FAM20C: variants seen among roughly 807,000 people sequenced by gnomAD.
FAM20C encodes FAM20C golgi associated secretory pathway kinase, also known as extracellular serine/threonine protein kinase FAM20C.
Under a neutral mutation model 51.5 loss-of-function variants are expected in FAM20C, and 40 were observed. The observed-to-expected ratio is 0.78, with a 90% confidence interval of 0.60 to 1.01. FAM20C has a LOEUF of 1.01. Among genes scored for constraint, FAM20C ranks in the 50% least tolerant of loss-of-function variants. FAM20C has a pLI of 0.00. For synonymous variants in FAM20C, 406 were observed against 380.6 expected, an observed-to-expected ratio of 1.07 and a Z score of -0.78; for missense variants, 861 against 844.7, an observed-to-expected ratio of 1.02 and a Z score of -0.24.
chr7:193,941 C>G (rs1699167223), intron 1 of FAM20C, 137 bp downstream of exon 1: 6 of 1,292,010 alleles, frequency 4.6e-6, no homozygotes, highest in Non-Finnish European at 6.1e-6. Flanking sequence ...AGGAGGCAGC[C>G]GCCTACCTCA....
At chr7:212,078 C>T (rs1236420611) in intron 3 of FAM20C, among the ~76,000 whole-genome samples, 4 of 152,196 alleles carry the variant, frequency 2.6e-5, no homozygotes, top group African/African-American at 7.2e-5. Flanking sequence ...GGGGGATGAT[C>T]GTTTCTTCTT....
In FAM20C at chr7:215,312, G is replaced by A. The variant is rs536191418; in HGVS notation, c.863+6336G>A. 3.4e-3 allele frequency among the ~76,000 whole-genome samples: 16 copies of A among 4,760 alleles called. 1 individual carries two copies. The highest frequency in any genetic ancestry group is 0.012 in the African/African-American group (10 of 862). The allele number at this position is 4,760 out of a possible 152,430, so 3.1% of individuals were successfully genotyped here. A position where few individuals can be genotyped will look rare whatever the true frequency, so the allele number is the denominator to read the frequency against. ...GGCCCGTGGTGTATGGAGAGGATGG[G>A]GCTGGGTGGGGGGGGCAGGGCCCGT... is the stretch of plus-strand genomic sequence containing the variant. On this transcript the variant is annotated intron_variant, in intron 3 of 9. Coordinates refer to ENST00000313766, the MANE Select transcript of FAM20C (RefSeq NM_020223.4).
intron 2 of FAM20C, among the ~76,000 whole-genome samples, chr7:208,387 G>T (rs964010544): frequency 7.5e-6 from 1 of 132,820 alleles, no homozygotes; most frequent in African/African-American, 2.5e-5. Context: ...GTATGGGTAT[G>T]TACATGACTG....
intron 3 of FAM20C, among the ~76,000 whole-genome samples, chr7:212,088 TC>T (rs1252752833): frequency 6.6e-6 from 1 of 152,194 alleles, no homozygotes; most frequent in Non-Finnish European, 1.5e-5. Context: ...CGTTTCTTCT[TC>T]CGCAGAGGCT....
intron 5 of FAM20C, among the ~76,000 whole-genome samples, chr7:248,943 C>T (rs993801180): frequency 2.6e-5 from 4 of 152,236 alleles, no homozygotes; most frequent in Non-Finnish European, 4.4e-5. Context: ...CCACCTCCCA[C>T]GCAGGGGTGC....
chr7:255,967 G>C lies in FAM20C; in HGVS notation c.1191G>C (p.Leu397=), dbSNP rs1023047840. Residue 397 remains leucine (L), a synonymous_variant, in exon 6 of 10, where the codon CTG becomes CTC. Coordinates refer to ENST00000313766, the MANE Select transcript of FAM20C (RefSeq NM_020223.4). ...CGGCCTTCCTGCCCGACCTGTCCCT[G>C]GCCAAGAGGAAGACCTGGCGGAACC... ...SLAAFLPDLS[L]AKRKTWRNPW... is the part of the protein sequence containing the mutation. The C allele has an allele frequency of 2.6e-6, 4 of 1,536,080 alleles. No homozygotes were observed. In the African/African-American group the frequency reaches 4.1e-5, roughly 16 times the overall value.
intron 3 of FAM20C, among the ~76,000 whole-genome samples, chr7:234,257 G>C (rs980116072): frequency 3.9e-5 from 6 of 152,264 alleles, no homozygotes; most frequent in Non-Finnish European, 7.3e-5. Context: ...GCTGACCTCA[G>C]AGCTGCGTCC....
At chr7:259,473 G>T (rs990298034) in intron 9 of FAM20C, among the ~76,000 whole-genome samples, 2 of 33,838 alleles carry the variant, frequency 5.9e-5, no homozygotes, top group Non-Finnish European at 1.1e-4. Context: ...TCTCTGTCTC[G>T]GTCTGCCTGT....
Position 193,519 on chromosome 7 carries a change from T to C in FAM20C, c.320T>C (p.Leu107Pro). 1 of 1,500,904 alleles carries C rather than the reference T, an allele frequency of 6.7e-7. No individual in the cohort carries two copies. The highest frequency in any genetic ancestry group is 1.5e-5 in the African/African-American group (1 of 68,918). The allele number at this position is 1,500,904 out of a possible 1,614,324, so 93.0% of individuals were successfully genotyped here. A position where few individuals can be genotyped will look rare whatever the true frequency, so the allele number is the denominator to read the frequency against. ...DPSSNLSSHS[L>P]EKLPPAAEPA... ...TCCTCCAACCTCTCGTCCCACTCGCTGGAGAAACTGCCGCCCGCGGCCGAG... is the reference window on the plus strand; with the variant it reads ...TCCTCCAACCTCTCGTCCCACTCGCCGGAGAAACTGCCGCCCGCGGCCGAG... The change falls in exon 1 of 10, where the codon CTG becomes CCG. Residue 107 changes from leucine (L) to proline (P), a missense_variant. Around this residue, in one of 3 missense-constraint regions of FAM20C, gnomAD observed 561 missense variants for 499.8 expected, o/e 1.12. Transcript: ENST00000313766.
intron 2 of FAM20C, 76 bp from the exon 3 acceptor site, chr7:208,822 A>G: frequency 6.9e-7 from 1 of 1,458,182 alleles, no homozygotes; most frequent in Non-Finnish European, 9.3e-7. Flanking sequence ...ATTGCAGCCA[A>G]GAGCCCTCGT....
chr7:197,888 A>C (rs1429541999), intron 2 of FAM20C, among the ~76,000 whole-genome samples: 1 of 152,208 alleles, frequency 6.6e-6, no homozygotes, highest in East Asian at 1.9e-4. Flanking sequence ...CATCTGGACA[A>C]GCTAGGCTTG....
At chr7:228,338 C>A (rs2115111539) in intron 3 of FAM20C, 2 of 392,980 alleles carry the variant, frequency 5.1e-6, no homozygotes, top group East Asian at 1.5e-4. Context: ...GCTTGGAAAT[C>A]TCTAGTCCTT....
Position 255,965 on chromosome 7 carries a change from C to G in FAM20C, c.1189C>G (p.Leu397Val), listed in dbSNP as rs1411038353. The G allele has an allele frequency of 1.8e-5, 27 of 1,536,114 alleles. No homozygotes were observed. The highest frequency in any genetic ancestry group is 2.3e-5 in the Non-Finnish European group (26 of 1,146,838). The change falls in exon 6 of 10, where the codon CTG (leucine) becomes GTG (valine). Residue 397 changes from leucine to valine, a missense_variant. By Grantham distance (32) the Leu-to-Val change is conservative. This residue lies in a region of FAM20C where 269 missense variants were observed against 283.8 expected (regional missense o/e 0.95). Coordinates refer to ENST00000313766, the MANE Select transcript of FAM20C (RefSeq NM_020223.4). ...SLAAFLPDLS[L>V]AKRKTWRNPW... is the part of the protein sequence containing the mutation. The stretch of plus-strand genomic sequence containing the variant: ...GGCGGCCTTCCTGCCCGACCTGTCC[C>G]TGGCCAAGAGGAAGACCTGGCGGAA...
rs550912145 is a variant in FAM20C at position 245,168 on chromosome 7, GA to G, written c.864-1246del. The stretch of plus-strand genomic sequence containing the variant: ...AAGGAAGGACCCGGCCGGGGAAGCC[GA>G]GGGCTGGGAAAGTGACCGGGGCGGC... On this transcript the variant is annotated intron_variant, in intron 3 of 9. Coordinates refer to ENST00000313766, the MANE Select transcript of FAM20C (RefSeq NM_020223.4). Among the ~76,000 whole-genome samples the G allele has an allele frequency of 1.9e-4, 29 of 152,364 alleles. No individual in the cohort carries two copies. In the East Asian group the frequency reaches 3.5e-3, roughly 18 times the overall value.
chr7:206,512 C>CATCT (rs1562367989), intron 2 of FAM20C, among the ~76,000 whole-genome samples: 4 of 124,040 alleles, frequency 3.2e-5, no homozygotes, highest in African/African-American at 8.6e-5. Flanking sequence ...CACTGTGACG[C>CATCT]GTCTGTCATG....
At chr7:193,912 G>T (rs1266319769) in intron 1 of FAM20C, 108 bp downstream of exon 1, 3 of 1,399,358 alleles carry the variant, frequency 2.1e-6, no homozygotes, top group African/African-American at 1.5e-5. Flanking sequence ...AAGAGGCCGG[G>T]CAGGGAGTGT....
At chr7:210,736 C>T (rs1249313950) in intron 3 of FAM20C, among the ~76,000 whole-genome samples, 3 of 152,130 alleles carry the variant, frequency 2.0e-5, no homozygotes, top group East Asian at 3.9e-4. Context: ...TGTTCCTGGG[C>T]GCCAGCTTGT....
intron 3 of FAM20C, among the ~76,000 whole-genome samples, chr7:222,701 C>T (rs1267596908): frequency 2.0e-5 from 3 of 152,280 alleles, no homozygotes; most frequent in South Asian, 4.1e-4. Flanking sequence ...GAGGCAGCAC[C>T]GTGGCAGGCA....
intron 5 of FAM20C, among the ~76,000 whole-genome samples, chr7:253,988 G>C (rs538206937): frequency 6.6e-6 from 1 of 152,216 alleles, no homozygotes; most frequent in Non-Finnish European, 1.5e-5. Flanking sequence ...GTATCAGCAC[G>C]AGACAGGATT....
Sources: gnomAD v4.1 joint callset for allele counts (sites outside exome capture counted in the v4.1 genomes callset) on GRCh38, gnomAD v4.1.1 for gene constraint, gnomAD v4.1.1 regional missense constraint, MANE v1.5 for transcripts, NCBI Gene and HGNC (gene_info 2026-07-23, HGNC 2026-07-21) for gene names.